The following CDC7 variants were observed in gnomAD, a reference collection of about 807,000 sequenced individuals.
CDC7 encodes cell division cycle 7-related protein kinase.
A neutral mutation model predicts 53.5 loss-of-function variants in CDC7; 34 were observed. The ratio of observed to expected loss-of-function variants is 0.64; its 90% CI spans 0.48 to 0.85. The LOEUF (loss-of-function observed/expected upper bound fraction) is 0.85, where lower values mean the gene tolerates loss of function less well. Among genes scored for constraint, CDC7 ranks in the 40% least tolerant of loss-of-function variants. The pLI is 0.00. For synonymous variants in CDC7, 211 were observed against 222.8 expected, an observed-to-expected ratio of 0.95 and a Z score of 0.47; for missense variants, 594 against 679.7, an observed-to-expected ratio of 0.87 and a Z score of 1.40.
chr1:91,520,804 C>T (rs1052717512), intron 11 of CDC7, among the ~76,000 whole-genome samples: 11 of 152,030 alleles, frequency 7.2e-5, no homozygotes, highest in Admixed American at 3.9e-4. Context: ...TGTAGGTTTA[C>T]GGTAGCAGAG....
In CDC7 at chr1:91,513,299, G is replaced by A. The variant is rs1667380027; in HGVS notation, c.814G>A (p.Asp272Asn). The A allele has an allele frequency of 6.2e-7, 1 of 1,612,578 alleles. No homozygotes were observed. The highest frequency in any genetic ancestry group is 1.3e-5 in the African/African-American group (1 of 74,788). The change falls in exon 7 of 12, where the codon GAC (aspartate) becomes AAC (asparagine). Residue 272 changes from aspartate to asparagine, a missense_variant. By Grantham distance (23) the Asp-to-Asn change is conservative (BLOSUM62 1). Transcript: ENST00000234626. ...ACAAATTCAGATTAAACAAGGAAAA[G>A]ACGGAAAGGTTCTATCTCTTTTATT... ...NAQIQIKQGK[D>N]GKEGSVGLSV...
chr1:91,523,811 T>G (rs1357720587), intron 11 of CDC7, among the ~76,000 whole-genome samples: 1 of 152,162 alleles, frequency 6.6e-6, no homozygotes, highest in Non-Finnish European at 1.5e-5. Flanking sequence ...AAGTCACTGC[T>G]TTGTACTTAC....
intron 11 of CDC7, among the ~76,000 whole-genome samples, chr1:91,522,823 G>A (rs1473576001): frequency 2.6e-5 from 4 of 152,098 alleles, no homozygotes; most frequent in African/African-American, 7.2e-5. Flanking sequence ...TTTTTTCCCT[G>A]GCTTAGTACA....
In CDC7 at chr1:91,514,858, A is replaced by C. The variant is rs943978565; in HGVS notation, c.958A>C (p.Lys320Gln). Residue 320 changes from lysine to glutamine, a missense_variant, in exon 9 of 12, where the codon AAG becomes CAG. By Grantham distance (53) the Lys-to-Gln change is moderately conservative. Transcript: ENST00000234626. ...QSKTVDVLSR[K>Q]LATKKKAIST... ...AAAGACTGTGGATGTACTGTCTAGA[A>C]AGTTAGCAACAAAAAAGAAGGCTAT... 4 of 1,613,152 alleles carry C rather than the reference A, an allele frequency of 2.5e-6. No homozygotes were observed. The highest frequency in any genetic ancestry group is 3.4e-6 in the Non-Finnish European group (4 of 1,179,520).
Position 91,525,455 on chromosome 1 carries a change from A to G in CDC7, c.*1020A>G, listed in dbSNP as rs923792487. The stretch of plus-strand genomic sequence containing the variant: ...AAGTAGGCAAAGAGAAAAGGACCCA[A>G]GATAGAGGTTTATATTCAGAAATGG... On this transcript the variant is annotated 3_prime_UTR_variant, in exon 12 of 12. Coordinates refer to ENST00000234626, the MANE Select transcript of CDC7 (RefSeq NM_003503.4). The G allele has an allele frequency of 6.6e-6, 1 of 152,154 alleles. No individual in the cohort carries two copies. Among genetic ancestry groups the G allele is most frequent in the African/African-American group, 2.4e-5 (1 of 41,456 alleles). The allele number at this position is 152,154 out of a possible 1,614,324, so 9.4% of individuals were successfully genotyped here. A position where few individuals can be genotyped will look rare whatever the true frequency, so the allele number is the denominator to read the frequency against.
At chr1:91,521,189 T>C (rs1667926207) in intron 11 of CDC7, among the ~76,000 whole-genome samples, 1 of 152,224 alleles carries the variant, frequency 6.6e-6, no homozygotes, top group Non-Finnish European at 1.5e-5. Context: ...GTCAGAATTA[T>C]CTGAGAATCT....
rs13447525 is a variant in CDC7, at chr1:91,517,043, C to T, written c.1180+1167C>T. ...TCGCACCATTGCCCTCCAACCTGGG[C>T]GACAGCAAGACTTCATCTCAAAAAA... On this transcript the variant is annotated intron_variant, in intron 10 of 11. Transcript: ENST00000234626. Among the ~76,000 whole-genome samples the T allele has an allele frequency of 1.5e-4, 23 of 151,846 alleles. No individual in the cohort carries two copies. The East Asian group carries it at 4.1e-3, about 27-fold the overall frequency.
At chr1:91,517,751 TAAGGCTTGGAGAAAACATTG>T (rs1355108238) in intron 10 of CDC7, among the ~76,000 whole-genome samples, 20 of 151,986 alleles carry the variant, frequency 1.3e-4, no homozygotes, top group Non-Finnish European at 2.6e-4. Flanking sequence ...CGTCAGCACT[TAAGGCTTGGAGAAAACATTG>T]AAGGAGCAGG....
chr1:91,523,340 G>T (rs937648981), intron 11 of CDC7, among the ~76,000 whole-genome samples: 3 of 152,138 alleles, frequency 2.0e-5, no homozygotes, highest in East Asian at 3.9e-4. Context: ...TTGAACAGTT[G>T]TTGAAAAGAA....
At chr1:91,515,513 A>G (rs191055565) in intron 9 of CDC7, among the ~76,000 whole-genome samples, 20 of 152,138 alleles carry the variant, frequency 1.3e-4, no homozygotes, top group East Asian at 7.7e-4. Context: ...ATTGGGTTCT[A>G]TTTTTTCTAT....
At chr1:91,515,043 T>C (rs750927369) in intron 9 of CDC7, 46 bp downstream of exon 9, 6 of 1,543,376 alleles carry the variant, frequency 3.9e-6, no homozygotes, top group Non-Finnish European at 5.3e-6. Context: ...ATGCTGCCAT[T>C]AGAAATTGCA....
At chr1:91,518,749 GTGTGGGGGA>G (rs1667738705) in intron 10 of CDC7, among the ~76,000 whole-genome samples, 1 of 152,100 alleles carries the variant, frequency 6.6e-6, no homozygotes, top group African/African-American at 2.4e-5. Flanking sequence ...TGGTGGGAGG[GTGTGGGGGA>G]TGTGGGGACA....
rs1666687639 is a variant in CDC7 at position 91,501,665 on chromosome 1, C to T, written c.-52C>T. 4 of 1,273,374 alleles carry T rather than the reference C, an allele frequency of 3.1e-6. No homozygotes were observed. The Admixed American group carries it at 5.5e-5, about 17-fold the overall frequency. 78.9% of individuals were successfully genotyped at this position (1,273,374 alleles called of 1,614,324 possible). ...TCTAATTTTCACAGCTGCTTTGCTC[C>T]CCCTGTGGATGTAACCCCTTAGCTG... On this transcript the variant is annotated 5_prime_UTR_variant, in exon 2 of 12. Transcript: ENST00000234626.
chr1:91,511,559 C>T, intron 4 of CDC7, 38 bp from the exon 5 acceptor site: 2 of 1,344,998 alleles, frequency 1.5e-6, no homozygotes, highest in Non-Finnish European at 2.1e-6. Context: ...GTCCCTCTGA[C>T]CTTTCTTCTA....
chr1:91,504,496 A>C (rs1666880418), intron 2 of CDC7, among the ~76,000 whole-genome samples: 1 of 152,108 alleles, frequency 6.6e-6, no homozygotes, highest in Admixed American at 6.6e-5. Flanking sequence ...ATGATGTATA[A>C]ACTCTATATT....
chr1:91,515,923 A>G (rs1411648014), intron 10 of CDC7, 47 bp downstream of exon 10: 3 of 1,417,894 alleles, frequency 2.1e-6, no homozygotes, highest in Admixed American at 1.7e-5. Flanking sequence ...GGATTGTTCC[A>G]GACGTATTTT....
chr1:91,516,158 C>T (rs112545105), intron 10 of CDC7, among the ~76,000 whole-genome samples: 42 of 151,158 alleles, frequency 2.8e-4, no homozygotes, highest in Admixed American at 1.6e-3. Flanking sequence ...TAAATAAATA[C>T]GCAAAATGTA....
At chr1:91,511,981 A>G (rs1667313183) in intron 6 of CDC7, 58 bp downstream of exon 6, 1 of 1,263,152 alleles carries the variant, frequency 7.9e-7, no homozygotes, top group Admixed American at 2.1e-5. Flanking sequence ...AAACAATTTT[A>G]TTGTCTATAT....
chr1:91,504,305 C>G (rs1331557318), intron 2 of CDC7, among the ~76,000 whole-genome samples: 1 of 152,098 alleles, frequency 6.6e-6, no homozygotes, highest in African/African-American at 2.4e-5. Context: ...CAGGATCTTG[C>G]TATGTTGCCC....
Sources: allele counts gnomAD v4.1 joint callset (sites outside exome capture counted in the v4.1 genomes callset), GRCh38; gene constraint gnomAD v4.1.1; transcripts MANE v1.5; gene names NCBI Gene and HGNC (gene_info 2026-07-23, HGNC 2026-07-21).